The following SNAP91 variants were observed in gnomAD, a reference collection of about 807,000 sequenced individuals.
SNAP91 encodes the protein clathrin coat assembly protein AP180.
A neutral mutation model predicts 100.3 loss-of-function variants in SNAP91; 27 were observed. The observed-to-expected ratio is 0.27, with a 90% CI of 0.20 to 0.37. The LOEUF (loss-of-function observed/expected upper bound fraction) is 0.37, where lower values mean the gene tolerates loss of function less well. SNAP91 is among the 10% of genes least tolerant of loss of function. SNAP91 has a pLI of 1.00. For synonymous variants in SNAP91, 404 were observed against 398.6 expected (o/e 1.01, Z -0.16); for missense variants, 986 against 1,123.7 (o/e 0.88, Z 1.75).
At chr6:83,565,988 A>G (rs779712159) in intron 26 of SNAP91, among the ~76,000 whole-genome samples, 1 of 152,190 alleles carries the variant, frequency 6.6e-6, no homozygotes, top group East Asian at 1.9e-4. Flanking sequence ...ATATACGCTC[A>G]TATGGAAACT....
chr6:83,687,852 T>C (rs766344754), intron 2 of SNAP91, among the ~76,000 whole-genome samples: 4 of 152,020 alleles, frequency 2.6e-5, no homozygotes, highest in Non-Finnish European at 4.4e-5. Flanking sequence ...CTGAAGGAAA[T>C]GGGGGTAGGA....
intron 13 of SNAP91, among the ~76,000 whole-genome samples, 191 bp from the exon 14 acceptor site, chr6:83,605,994 GGTAA>G (rs2095587982): frequency 6.6e-6 from 1 of 152,114 alleles, no homozygotes; most frequent in Non-Finnish European, 1.5e-5. Context: ...AGGGCAAGAT[GGTAA>G]GTATTTTAGA....
Position 83,707,971 on chromosome 6 carries a change from G to C in SNAP91, c.-30-14C>G. 2.0e-6 allele frequency: 3 copies of C among 1,536,032 alleles called. No homozygotes were observed. The highest frequency in any genetic ancestry group is 2.6e-6 in the Non-Finnish European group (3 of 1,152,430). On this transcript the variant is annotated splice_polypyrimidine_tract_variant and intron_variant, in intron 1 of 29. Coordinates refer to ENST00000369694, the MANE Select transcript of SNAP91 (RefSeq NM_001242792.2). ...CCGCCTCCTCTTCTGCAGGAAACAA[G>C]GGGAGACGGTCCGGCTTTAATCCGC...
intron 8 of SNAP91, among the ~76,000 whole-genome samples, chr6:83,638,880 A>G (rs1243810629): frequency 6.6e-6 from 1 of 152,214 alleles, no homozygotes; most frequent in East Asian, 1.9e-4. Context: ...TAGAATAGAA[A>G]ACTAAGAATA....
chr6:83,681,154 C>CA (rs981126725), intron 2 of SNAP91, among the ~76,000 whole-genome samples: 22 of 152,052 alleles, frequency 1.4e-4, no homozygotes, highest in Non-Finnish European at 2.8e-4. Context: ...ATGAAATTAC[C>CA]TTTTTTGTCA....
At chr6:83,570,527 C>T (rs1805015374) in intron 26 of SNAP91, among the ~76,000 whole-genome samples, 1 of 137,418 alleles carries the variant, frequency 7.3e-6, no homozygotes, top group South Asian at 2.2e-4. Context: ...CAGCCCCTCT[C>T]ATCACAGACC....
At chr6:83,694,598 C>T (rs556614230) in intron 2 of SNAP91, among the ~76,000 whole-genome samples, 7 of 152,268 alleles carry the variant, frequency 4.6e-5, no homozygotes, top group African/African-American at 1.4e-4. Context: ...AGGAAGAGAA[C>T]CCATTTCTCT....
At chr6:83,643,074 A>G (rs1562479214) in intron 7 of SNAP91, among the ~76,000 whole-genome samples, 2 of 151,984 alleles carry the variant, frequency 1.3e-5, no homozygotes, top group Middle Eastern at 3.2e-3. Flanking sequence ...AGTTCTTTGT[A>G]GATTCTGGAT....
chr6:83,636,560 C>A (rs2097456728), intron 8 of SNAP91, among the ~76,000 whole-genome samples: 1 of 152,100 alleles, frequency 6.6e-6, no homozygotes, highest in African/African-American at 2.4e-5. Context: ...TCTTTCATAT[C>A]TTGGATCATT....
At chr6:83,652,572 A>G (rs926233014) in intron 7 of SNAP91, among the ~76,000 whole-genome samples, 1 of 152,136 alleles carries the variant, frequency 6.6e-6, no homozygotes, top group African/African-American at 2.4e-5. Context: ...TATGCTTTAT[A>G]AATACATAAA....
chr6:83,661,656 G>T, intron 4 of SNAP91, 52 bp from the exon 5 acceptor site: 2 of 1,055,718 alleles, frequency 1.9e-6, no homozygotes, highest in Non-Finnish European at 2.8e-6. Flanking sequence ...ACCTTCAACT[G>T]TGCTTTGCAT....
chr6:83,648,781 C>A (rs1456237776), intron 7 of SNAP91, among the ~76,000 whole-genome samples: 1 of 152,078 alleles, frequency 6.6e-6, no homozygotes, highest in Non-Finnish European at 1.5e-5. Context: ...CTGTTCAAAT[C>A]TTTTGTACAT....
rs1773556369 is a variant in SNAP91, at chr6:83,553,232, A to G, written c.*1064T>C. 6.6e-6 allele frequency: 1 copy of G among 152,636 alleles called. No individual in the cohort carries two copies. The highest frequency in any genetic ancestry group is 2.4e-5 in the African/African-American group (1 of 41,456). The allele number at this position is 152,636 out of a possible 1,614,324, so 9.5% of individuals were successfully genotyped here. ...TATGACAACAAATTAAAACTTAAAG[A>G]ATACAGTATGTACAGTAAAAGATAC... is the stretch of plus-strand genomic sequence containing the variant. On this transcript the variant is annotated 3_prime_UTR_variant, in exon 30 of 30. Transcript: ENST00000369694.
chr6:83,682,233 G>A (rs530942485), intron 2 of SNAP91, among the ~76,000 whole-genome samples: 4 of 147,324 alleles, frequency 2.7e-5, no homozygotes, highest in South Asian at 2.2e-4. Context: ...GCTGGAGTAC[G>A]GTGGTACAAT....
intron 22 of SNAP91, among the ~76,000 whole-genome samples, chr6:83,590,194 G>A (rs752687773): frequency 6.6e-6 from 1 of 152,138 alleles, no homozygotes; most frequent in South Asian, 2.1e-4. Flanking sequence ...TTATGTACCT[G>A]TCTAAGTAAA....
chr6:83,643,143 T>A (rs2097778690), intron 7 of SNAP91, among the ~76,000 whole-genome samples: 1 of 152,206 alleles, frequency 6.6e-6, no homozygotes, highest in South Asian at 2.1e-4. Flanking sequence ...GTAGGTTGCC[T>A]ATTCACTCTG....
intron 2 of SNAP91, among the ~76,000 whole-genome samples, chr6:83,695,011 C>T (rs551337172): frequency 6.6e-6 from 1 of 152,046 alleles, no homozygotes; most frequent in East Asian, 1.9e-4. Flanking sequence ...ATGGCTCATG[C>T]CTACAATCCC....
chr6:83,594,312 A>G, intron 17 of SNAP91, 62 bp downstream of exon 17: 2 of 1,290,168 alleles, frequency 1.6e-6, no homozygotes, highest in Non-Finnish European at 2.2e-6. Context: ...GGCCTCTTCT[A>G]ACTACGGGGG....
intron 2 of SNAP91, among the ~76,000 whole-genome samples, chr6:83,687,263 T>C (rs1298395917): frequency 6.6e-6 from 1 of 152,180 alleles, no homozygotes; most frequent in African/African-American, 2.4e-5. Context: ...TCTTACCTAA[T>C]ACGGCGAAAA....
Sources: allele counts gnomAD v4.1 joint callset (sites outside exome capture counted in the v4.1 genomes callset), GRCh38; gene constraint gnomAD v4.1.1; transcripts MANE v1.5; gene names NCBI Gene and HGNC (gene_info 2026-07-23, HGNC 2026-07-21).